Variants in SLC24A2 observed in about 807,000 individuals in gnomAD.
SLC24A2 encodes the protein sodium/potassium/calcium exchanger 2.
Under a neutral mutation model 62.0 loss-of-function variants are expected in SLC24A2, and 36 were observed. The observed-to-expected ratio is 0.58, with a 90% CI of 0.44 to 0.77. The LOEUF (loss-of-function observed/expected upper bound fraction) is 0.77. SLC24A2 is among the 30% of genes least tolerant of loss of function. SLC24A2 has a pLI of 0.00. For missense variants in SLC24A2, 846 were observed against 817.9 expected (o/e 1.03, Z -0.42); for synonymous variants, 358 against 294.0 (o/e 1.22, Z -2.23).
At chr9:19,591,849 A>G (rs1213023827) in intron 5 of SLC24A2, among the ~76,000 whole-genome samples, 3 of 152,248 alleles carry the variant, frequency 2.0e-5, no homozygotes, top group Admixed American at 6.5e-5. Context: ...ATTTTCTGCT[A>G]TATATAGCTA....
At chr9:19,834,389 T>G in the SLC24A2 span, among the ~76,000 whole-genome samples, 10 of 152,238 alleles carry the variant, frequency 6.6e-5, no homozygotes, top group African/African-American at 2.4e-4. Context: ...AAGGACCTGA[T>G]GGAGCTGAAA....
At chr9:19,950,056 C>A in the SLC24A2 span, among the ~76,000 whole-genome samples, 1 of 152,152 alleles carries the variant, frequency 6.6e-6, no homozygotes, top group African/African-American at 2.4e-5. Flanking sequence ...AGTTGACGAG[C>A]ATGGGTATAG....
At chr9:19,814,687 A>C in the SLC24A2 span, among the ~76,000 whole-genome samples, 1 of 152,304 alleles carries the variant, frequency 6.6e-6, no homozygotes, top group Non-Finnish European at 1.5e-5. Context: ...AAAATGACAA[A>C]ATATAGTTTC....
chr9:19,679,314 C>A (rs2118377573), intron 2 of SLC24A2, among the ~76,000 whole-genome samples: 1 of 152,248 alleles, frequency 6.6e-6, no homozygotes, highest in Admixed American at 6.5e-5. Context: ...CCTTAGTTTC[C>A]TACCTATAAA....
At chr9:19,733,224 T>C (rs1045109396) in intron 2 of SLC24A2, among the ~76,000 whole-genome samples, 1 of 152,134 alleles carries the variant, frequency 6.6e-6, no homozygotes, top group Admixed American at 6.5e-5. Context: ...AGGCTCTGGA[T>C]TTAGAATTTT....
chr9:19,964,882 A>G, the SLC24A2 span, among the ~76,000 whole-genome samples: 1 of 151,964 alleles, frequency 6.6e-6, no homozygotes, highest in Non-Finnish European at 1.5e-5. Flanking sequence ...TCTGAAGGAT[A>G]CTCTCATCAG....
chr9:20,062,379 C>G, the SLC24A2 span, among the ~76,000 whole-genome samples: 2 of 118,676 alleles, frequency 1.7e-5, no homozygotes, highest in Non-Finnish European at 1.6e-5. Flanking sequence ...CTGAGAAAAA[C>G]AAGCAATGGG....
At chr9:19,552,399 T>C (rs541273787) in intron 7 of SLC24A2, among the ~76,000 whole-genome samples, 46 of 152,348 alleles carry the variant, frequency 3.0e-4, no homozygotes, top group African/African-American at 1.0e-3. Context: ...ATGATCCTTC[T>C]TGTTTAACCC....
chr9:20,065,355 T>C, the SLC24A2 span, among the ~76,000 whole-genome samples: 1 of 152,176 alleles, frequency 6.6e-6, no homozygotes, highest in Admixed American at 6.5e-5. Flanking sequence ...GGTTCCCATC[T>C]CATCCAGACT....
At chr9:19,753,559 T>C (rs1442643758) in intron 2 of SLC24A2, among the ~76,000 whole-genome samples, 1 of 152,250 alleles carries the variant, frequency 6.6e-6, no homozygotes, top group Non-Finnish European at 1.5e-5. Context: ...ATTTCTATTT[T>C]TTAAGAAATG....
chr9:19,562,208 TGCTAACATAAAA>T (rs1199806105), intron 7 of SLC24A2, among the ~76,000 whole-genome samples: 1 of 152,216 alleles, frequency 6.6e-6, no homozygotes, highest in East Asian at 1.9e-4. Context: ...ATAAGTGATT[TGCTAACATAAAA>T]GCTAACTGGA....
the SLC24A2 span, among the ~76,000 whole-genome samples, chr9:19,946,772 C>A: frequency 8.6e-3 from 1,313 of 152,320 alleles, 20 homozygotes; most frequent in African/African-American, 0.03. Flanking sequence ...GAAAACAACA[C>A]ACACACAAAA....
At chr9:20,103,635 G>A in the SLC24A2 span, among the ~76,000 whole-genome samples, 1 of 152,138 alleles carries the variant, frequency 6.6e-6, no homozygotes, top group Non-Finnish European at 1.5e-5. Flanking sequence ...TGGAGCTGAG[G>A]GTCCTGTCTG....
At chr9:19,955,849 A>G in the SLC24A2 span, among the ~76,000 whole-genome samples, 1 of 152,222 alleles carries the variant, frequency 6.6e-6, no homozygotes, top group South Asian at 2.1e-4. Flanking sequence ...TTTTCTTAAA[A>G]AAAACTTTAG....
the SLC24A2 span, among the ~76,000 whole-genome samples, chr9:20,071,316 C>T: frequency 6.6e-6 from 1 of 152,118 alleles, no homozygotes; most frequent in Non-Finnish European, 1.5e-5. Context: ...TATTGGAGTT[C>T]CATTCATTAG....
the SLC24A2 span, among the ~76,000 whole-genome samples, chr9:20,172,414 A>G: frequency 6.6e-6 from 1 of 152,138 alleles, no homozygotes; most frequent in South Asian, 2.1e-4. Context: ...ACAAAAAGCT[A>G]GTTCTTTGAA....
chr9:20,297,227 T>C, the SLC24A2 span, among the ~76,000 whole-genome samples: 1 of 152,118 alleles, frequency 6.6e-6, no homozygotes, highest in Non-Finnish European at 1.5e-5. Context: ...GGTGCTACTG[T>C]GCTCCAGGAA....
chr9:19,786,969 C>A lies in SLC24A2; in HGVS notation c.-103G>T, dbSNP rs903966225. 3 of 1,500,120 alleles carry A rather than the reference C, an allele frequency of 2.0e-6. No individual in the cohort carries two copies. Among genetic ancestry groups the A allele is most frequent in the Non-Finnish European group, 2.7e-6 (3 of 1,129,928 alleles). The allele number at this position is 1,500,120 out of a possible 1,614,324, so 92.9% of individuals were successfully genotyped here. A position where few individuals can be genotyped will look rare whatever the true frequency, so the allele number is the denominator to read the frequency against. On this transcript the variant is annotated 5_prime_UTR_variant, in exon 2 of 11. Transcript: ENST00000341998. This position sits in a 1 kb window ranked among gnomAD's most constrained non-coding sequence, Gnocchi z 5.0. Reference sequence around the variant, plus strand: ...TATAGTTAACGATGCTTGTGGGGTACTTTCACAATCAGGGATTGTTATGCT... The same window carrying A: ...TATAGTTAACGATGCTTGTGGGGTAATTTCACAATCAGGGATTGTTATGCT...
chr9:20,075,450 A>G, the SLC24A2 span, among the ~76,000 whole-genome samples: 1 of 152,226 alleles, frequency 6.6e-6, no homozygotes, highest in African/African-American at 2.4e-5. Context: ...TTTAAGCATT[A>G]GGCTTTTACA....
Sources: allele counts gnomAD v4.1 joint callset (sites outside exome capture counted in the v4.1 genomes callset), GRCh38; gene constraint gnomAD v4.1.1; non-coding constraint Gnocchi (gnomAD v3.1); transcripts MANE v1.5; gene names NCBI Gene and HGNC (gene_info 2026-07-23, HGNC 2026-07-21).